The following ARHGAP24 variants were observed in gnomAD, a reference collection of about 807,000 sequenced individuals.
ARHGAP24 encodes the protein rho GTPase-activating protein 24.
ARHGAP24 carries 50 observed loss-of-function variants against 76.4 expected under a neutral mutation model. That is an observed-to-expected ratio of 0.65 (90% CI 0.52 to 0.83). The LOEUF (loss-of-function observed/expected upper bound fraction) is 0.83. Among genes scored for constraint, ARHGAP24 ranks in the 40% least tolerant of loss-of-function variants. The probability of loss-of-function intolerance (pLI) is 0.00; values close to 1 mark genes in which losing one functional copy is unlikely to be tolerated. For missense variants in ARHGAP24, 930 were observed against 914.2 expected, an observed-to-expected ratio of 1.02 and a Z score of -0.22; for synonymous variants, 345 against 323.3, an observed-to-expected ratio of 1.07 and a Z score of -0.72.
chr4:85,767,827 T>G (rs1355555327), intron 3 of ARHGAP24, among the ~76,000 whole-genome samples: 1 of 152,222 alleles, frequency 6.6e-6, no homozygotes, highest in African/African-American at 2.4e-5. Context: ...TGTTTTTGTC[T>G]GCCAAATGAT....
intron 1 of ARHGAP24, among the ~76,000 whole-genome samples, chr4:85,523,554 G>T (rs140683978): frequency 2.6e-5 from 4 of 152,274 alleles, no homozygotes; most frequent in Non-Finnish European, 5.9e-5. Context: ...TAGCATAAAT[G>T]AGACTTTTCC....
chr4:85,945,008 G>A (rs1291520081), intron 5 of ARHGAP24, among the ~76,000 whole-genome samples: 2 of 151,934 alleles, frequency 1.3e-5, no homozygotes, highest in African/African-American at 4.8e-5. Context: ...CAACATGCCT[G>A]GCTAATTTCG....
chr4:85,684,782 A>G (rs895540010), intron 2 of ARHGAP24, among the ~76,000 whole-genome samples: 3 of 152,204 alleles, frequency 2.0e-5, no homozygotes, highest in African/African-American at 4.8e-5. Context: ...AGTGTCTAAT[A>G]AAGGCAAATC....
At chr4:85,917,440 GCT>G (rs913647714) in intron 3 of ARHGAP24, among the ~76,000 whole-genome samples, 2 of 151,812 alleles carry the variant, frequency 1.3e-5, no homozygotes, top group Non-Finnish European at 2.9e-5. Flanking sequence ...TAATGGGATG[GCT>G]GGGTCAAATG....
chr4:85,854,399 C>G (rs1731438567), intron 3 of ARHGAP24, among the ~76,000 whole-genome samples: 1 of 152,118 alleles, frequency 6.6e-6, no homozygotes, highest in South Asian at 2.1e-4. Context: ...GGTAAAGTCA[C>G]AGAAATAAAA....
chr4:85,627,860 G>A (rs188616705), intron 2 of ARHGAP24, among the ~76,000 whole-genome samples: 11 of 152,306 alleles, frequency 7.2e-5, no homozygotes, highest in African/African-American at 2.4e-4. Context: ...CTCCGTGGGC[G>A]TAGGACCCTC....
chr4:85,802,803 A>G (rs1231191519), intron 3 of ARHGAP24, among the ~76,000 whole-genome samples: 1 of 152,222 alleles, frequency 6.6e-6, no homozygotes, highest in Admixed American at 6.5e-5. Context: ...AAAACGAACA[A>G]ACAAACAAAA....
chr4:85,888,076 CT>C (rs1733665682), intron 3 of ARHGAP24, among the ~76,000 whole-genome samples: 1 of 151,904 alleles, frequency 6.6e-6, no homozygotes, highest in Admixed American at 6.6e-5. Flanking sequence ...ATTTGAATTT[CT>C]TTGTCATGTT....
chr4:85,484,077 G>A (rs1722926488), intron 1 of ARHGAP24, among the ~76,000 whole-genome samples: 1 of 152,218 alleles, frequency 6.6e-6, no homozygotes, highest in Non-Finnish European at 1.5e-5. Context: ...CAGTGTTTGT[G>A]TGACTTCAAT....
chr4:85,585,890 G>C (rs1313890958), intron 2 of ARHGAP24, among the ~76,000 whole-genome samples: 1 of 152,118 alleles, frequency 6.6e-6, no homozygotes, highest in Admixed American at 6.5e-5. Flanking sequence ...TTTATCCTTT[G>C]CATCTAGTTG....
At chr4:85,610,636 G>A (rs1209402216) in intron 2 of ARHGAP24, among the ~76,000 whole-genome samples, 3 of 152,068 alleles carry the variant, frequency 2.0e-5, no homozygotes, top group Non-Finnish European at 4.4e-5. Flanking sequence ...GCGTCGTGGG[G>A]AAAAAGTGTC....
chr4:85,643,234 G>GTTTTTTTTTTTTTTT (rs70948741), intron 2 of ARHGAP24, among the ~76,000 whole-genome samples: 1 of 54,630 alleles, frequency 1.8e-5, no homozygotes, highest in African/African-American at 5.9e-5. Context: ...GTTTTTTTGT[G>GTTTTTTTTTTTTTTT]TTTTTTTTTT....
intron 4 of ARHGAP24, among the ~76,000 whole-genome samples, chr4:85,939,017 C>G (rs1444085622): frequency 6.6e-6 from 1 of 152,126 alleles, no homozygotes; most frequent in Non-Finnish European, 1.5e-5. Flanking sequence ...GCTCTGATAT[C>G]CCACCGCCTC....
intron 1 of ARHGAP24, among the ~76,000 whole-genome samples, chr4:85,531,467 A>G (rs1725258090): frequency 6.6e-6 from 1 of 151,964 alleles, no homozygotes; most frequent in African/African-American, 2.4e-5. Flanking sequence ...ATGACTTTCT[A>G]GGGACACCTT....
rs1723011563 is a variant in ARHGAP24 at position 85,677,128 on chromosome 4, G to GC, written c.181-44756dup. ...ACGTGGATATCCTCTGAATCAAGTA[G>GC]CTTTGATTAAATAAAGGTCATTAGC... On this transcript the variant is annotated intron_variant, in intron 2 of 9. Coordinates refer to ENST00000395184, the MANE Select transcript of ARHGAP24 (RefSeq NM_001025616.3). 4.6e-5 allele frequency among the ~76,000 whole-genome samples: 7 copies of GC among 152,316 alleles called. No homozygotes were observed. In the South Asian group the frequency reaches 1.2e-3, roughly 27 times the overall value.
At chr4:85,740,308 C>A (rs1725769752) in intron 3 of ARHGAP24, among the ~76,000 whole-genome samples, 1 of 151,064 alleles carries the variant, frequency 6.6e-6, no homozygotes, top group Non-Finnish European at 1.5e-5. Context: ...CTGCAACCTC[C>A]CACTCCTGGG....
In ARHGAP24 at chr4:85,652,898, TG is replaced by T. The variant is rs201975240; in HGVS notation, c.181-68986del. On this transcript the variant is annotated intron_variant, in intron 2 of 9. Coordinates refer to ENST00000395184, the MANE Select transcript of ARHGAP24 (RefSeq NM_001025616.3). ...GTGACAAAAGATTTTCTGAGTTTTT[TG>T]TTTGTTTGTTTTAGAGTTGGGCATA... Among the ~76,000 whole-genome samples, 301 of 152,238 alleles carry T rather than the reference TG, an allele frequency of 2.0e-3. 1 individual carries two copies. Among genetic ancestry groups the T allele is most frequent in the African/African-American group, 6.9e-3 (288 of 41,478 alleles).
intron 3 of ARHGAP24, among the ~76,000 whole-genome samples, chr4:85,899,150 T>C (rs1406981106): frequency 6.6e-6 from 1 of 152,160 alleles, no homozygotes; most frequent in Non-Finnish European, 1.5e-5. Flanking sequence ...AGCTAATGAG[T>C]AATGTCTTCA....
intron 5 of ARHGAP24, among the ~76,000 whole-genome samples, chr4:85,971,268 C>T (rs548325964): frequency 6.6e-6 from 1 of 152,058 alleles, no homozygotes; most frequent in Non-Finnish European, 1.5e-5. Flanking sequence ...GAGAGATGAG[C>T]GAGAATTTAG....
Sources: allele counts gnomAD v4.1 joint callset (sites outside exome capture counted in the v4.1 genomes callset), GRCh38; gene constraint gnomAD v4.1.1; transcripts MANE v1.5; gene names NCBI Gene and HGNC (gene_info 2026-07-23, HGNC 2026-07-21).